The following KHDRBS2 variants were observed in gnomAD, a reference collection of about 807,000 sequenced individuals.
KHDRBS2 encodes KH domain-containing, RNA-binding, signal transduction-associated protein 2.
In KHDRBS2, 26 loss-of-function variants were observed where a neutral mutation model predicts 44.3. That is an observed-to-expected ratio of 0.59 (90% CI 0.43 to 0.81). The LOEUF is 0.81. KHDRBS2 is among the 40% of genes least tolerant of loss of function. The pLI is 0.00. For synonymous variants in KHDRBS2, 194 were observed against 151.1 expected (o/e 1.28, Z -2.08); for missense variants, 476 against 433.1 (o/e 1.10, Z -0.88).
At chr6:61,938,409 G>C (rs1242619698) in intron 4 of KHDRBS2, among the ~76,000 whole-genome samples, 1 of 152,154 alleles carries the variant, frequency 6.6e-6, no homozygotes, top group Admixed American at 6.5e-5. Context: ...GATGAGCAAA[G>C]TATTTTGAGA....
chr6:62,126,535 T>C (rs1344312090), intron 2 of KHDRBS2, among the ~76,000 whole-genome samples: 1 of 152,148 alleles, frequency 6.6e-6, no homozygotes, highest in Non-Finnish European at 1.5e-5. Context: ...TGAAACCCAG[T>C]GCTAGGCTGG....
intron 4 of KHDRBS2, among the ~76,000 whole-genome samples, chr6:61,968,093 T>C (rs1322948328): frequency 1.3e-5 from 2 of 151,808 alleles, no homozygotes; most frequent in African/African-American, 4.8e-5. Context: ...TTTAGAATGT[T>C]ACTGTAATTT....
intron 6 of KHDRBS2, among the ~76,000 whole-genome samples, chr6:61,763,577 A>G (rs1401761133): frequency 6.6e-6 from 1 of 152,192 alleles, no homozygotes; most frequent in Non-Finnish European, 1.5e-5. Flanking sequence ...GAGCCCTTTT[A>G]GAGTTGAAAA....
intron 2 of KHDRBS2, among the ~76,000 whole-genome samples, chr6:62,107,032 C>G (rs1803564719): frequency 6.6e-6 from 1 of 152,158 alleles, no homozygotes; most frequent in Non-Finnish European, 1.5e-5. Flanking sequence ...AAAACTGGCA[C>G]AAGACAGGGA....
chr6:61,825,717 C>T (rs1318298902), intron 6 of KHDRBS2, among the ~76,000 whole-genome samples: 1 of 152,012 alleles, frequency 6.6e-6, no homozygotes, highest in Non-Finnish European at 1.5e-5. Context: ...GACACTGCAG[C>T]CCAAGAATCT....
chr6:61,722,527 A>C (rs1772810211), intron 7 of KHDRBS2, among the ~76,000 whole-genome samples: 1 of 152,088 alleles, frequency 6.6e-6, no homozygotes, highest in Non-Finnish European at 1.5e-5. Context: ...TATGCTAACT[A>C]ATCAGTTAAA....
chr6:62,047,760 A>C (rs1449745750), intron 3 of KHDRBS2, 118 bp downstream of exon 3: 2 of 702,678 alleles, frequency 2.8e-6, no homozygotes, highest in Non-Finnish European at 5.2e-6. Context: ...GGGTGATCCC[A>C]GGAAATGGAA....
the KHDRBS2 span, among the ~76,000 whole-genome samples, chr6:61,578,632 C>A: frequency 3.3e-5 from 5 of 152,050 alleles, no homozygotes; most frequent in African/African-American, 1.2e-4. Flanking sequence ...AAGAAGTGGG[C>A]CTGCCCCATT....
the KHDRBS2 span, among the ~76,000 whole-genome samples, chr6:61,672,866 C>T: frequency 6.6e-6 from 1 of 151,448 alleles, no homozygotes; most frequent in Non-Finnish European, 1.5e-5. Context: ...TCCCATTTGT[C>T]AATTTTGGCT....
intron 4 of KHDRBS2, among the ~76,000 whole-genome samples, chr6:61,931,979 A>G (rs568119545): frequency 3.3e-5 from 5 of 152,308 alleles, no homozygotes; most frequent in Middle Eastern, 3.4e-3. Context: ...TGATTTTCTT[A>G]ATAACGTTTT....
At chr6:61,545,932 G>T in the KHDRBS2 span, among the ~76,000 whole-genome samples, 1 of 152,036 alleles carries the variant, frequency 6.6e-6, no homozygotes, top group Non-Finnish European at 1.5e-5. Flanking sequence ...CCAGAAAGAC[G>T]CATCGCTATT....
At chr6:62,230,288 A>C (rs1450063103) in intron 1 of KHDRBS2, among the ~76,000 whole-genome samples, 2 of 152,234 alleles carry the variant, frequency 1.3e-5, no homozygotes, top group Non-Finnish European at 2.9e-5. Context: ...TAAATGACAA[A>C]TATGACAGAA....
chr6:62,257,675 T>G (rs1837622026), intron 1 of KHDRBS2, among the ~76,000 whole-genome samples: 1 of 152,044 alleles, frequency 6.6e-6, no homozygotes, highest in Non-Finnish European at 1.5e-5. Context: ...GTCCATATTT[T>G]GCTTGCTTAT....
chr6:62,283,719 A>G (rs1033127356), intron 1 of KHDRBS2, among the ~76,000 whole-genome samples: 3 of 152,170 alleles, frequency 2.0e-5, no homozygotes, highest in African/African-American at 7.2e-5. Context: ...TGGAAAGATA[A>G]TGAAAGATCT....
rs142574597 is a variant in KHDRBS2 at position 61,913,889 on chromosome 6, A to G, written c.484-12518T>C. Among the ~76,000 whole-genome samples the G allele has an allele frequency of 2.5e-3, 375 of 152,240 alleles. 3 individuals carry two copies. The highest frequency in any genetic ancestry group is 8.4e-3 in the African/African-American group (350 of 41,574). On this transcript the variant is annotated intron_variant, in intron 4 of 8. Coordinates refer to ENST00000281156, the MANE Select transcript of KHDRBS2 (RefSeq NM_152688.4). ...TGAGGAACAGGGAGAATGCCAGTGC[A>G]TATGTATCAAAGATTTAGTGAGCAA...
rs1562293772 is a variant in KHDRBS2 at position 61,848,495 on chromosome 6, ATATATATATATATATG to A, written c.810+46124_810+46139del. ...TATATATATATATATATATATGTAT[ATATATATATATATATG>A]TATATATGTATATATATATACATAT... On this transcript the variant is annotated intron_variant, in intron 6 of 8. Transcript: ENST00000281156. 2.1e-3 allele frequency among the ~76,000 whole-genome samples: 120 copies of A among 58,170 alleles called. 1 individual carries two copies. Among genetic ancestry groups the A allele is most frequent in the African/African-American group, 0.011 (110 of 9,902 alleles). The allele number at this position is 58,170 out of a possible 152,430, so 38.2% of individuals were successfully genotyped here. A position where few individuals can be genotyped will look rare whatever the true frequency, so the allele number is the denominator to read the frequency against.
chr6:62,083,336 C>T (rs1054638151), intron 2 of KHDRBS2, among the ~76,000 whole-genome samples: 1 of 152,130 alleles, frequency 6.6e-6, no homozygotes, highest in Non-Finnish European at 1.5e-5. Flanking sequence ...CTACTCCATC[C>T]CCTTTCCCCA....
At chr6:62,010,560 A>T (rs1248866253) in intron 3 of KHDRBS2, among the ~76,000 whole-genome samples, 1 of 152,090 alleles carries the variant, frequency 6.6e-6, no homozygotes, top group Non-Finnish European at 1.5e-5. Context: ...ATCTCATCTT[A>T]CAGCTCCCAT....
At chr6:62,268,792 A>G (rs1166458208) in intron 1 of KHDRBS2, among the ~76,000 whole-genome samples, 1 of 152,002 alleles carries the variant, frequency 6.6e-6, no homozygotes, top group Non-Finnish European at 1.5e-5. Context: ...TATAAATTTA[A>G]AGTAGAGTAT....
Sources: allele counts gnomAD v4.1 joint callset (sites outside exome capture counted in the v4.1 genomes callset), GRCh38; gene constraint gnomAD v4.1.1; transcripts MANE v1.5; gene names NCBI Gene and HGNC (gene_info 2026-07-23, HGNC 2026-07-21).